EYS: variants seen among roughly 807,000 people sequenced by gnomAD.
EYS encodes the protein protein eyes shut homolog.
EYS carries 250 observed loss-of-function variants against 282.1 expected under a neutral mutation model. The observed-to-expected ratio is 0.89, with a 90% confidence interval of 0.80 to 0.98. EYS has a LOEUF of 0.98. Ranked by LOEUF, EYS falls within the 50% of genes least tolerant of loss-of-function variation. EYS has a pLI of 0.00. For synonymous variants in EYS, 1,355 were observed against 1,282.9 expected, an observed-to-expected ratio of 1.06 and a Z score of -1.20; for missense variants, 4,016 against 3,709.0, an observed-to-expected ratio of 1.08 and a Z score of -2.15.
chr6:64,917,316 C>G (rs1283478662), intron 15 of EYS, among the ~76,000 whole-genome samples: 1 of 151,456 alleles, frequency 6.6e-6, no homozygotes, highest in Non-Finnish European at 1.5e-5. Context: ...AATGACTAAG[C>G]ATTCTATATG....
chr6:65,500,806 T>G (rs542499238), intron 2 of EYS, among the ~76,000 whole-genome samples: 19 of 151,938 alleles, frequency 1.3e-4, no homozygotes, highest in East Asian at 5.8e-4. Flanking sequence ...CGGTCAGGAA[T>G]GAAGTGATTG....
rs923014043 is a variant in EYS, at chr6:64,853,438, C to A, written c.2993-30616G>T. 2.6e-5 allele frequency among the ~76,000 whole-genome samples: 4 copies of A among 152,106 alleles called. No individual in the cohort carries two copies. In the South Asian group the frequency reaches 8.3e-4, roughly 31 times the overall value. ...AATACCAGGTTTCCAAACTTCACAG[C>A]CGACTATGAGAAGCTTCTGTTATAC... On this transcript the variant is annotated intron_variant, in intron 19 of 42. Transcript: ENST00000503581.
chr6:64,971,843 T>A (rs967487278), intron 14 of EYS, among the ~76,000 whole-genome samples: 2 of 152,098 alleles, frequency 1.3e-5, no homozygotes, highest in African/African-American at 4.8e-5. Flanking sequence ...AATTATAACA[T>A]TGGAGATGCC....
rs1769456095 is a variant in EYS at position 65,320,875 on chromosome 6, A to G, written c.1766+14105T>C. The stretch of plus-strand genomic sequence containing the variant: ...GGCATGCAGTGACTGATGGAGGGCC[A>G]TGTTCACCCTAAGTGAGGCAACTCC... On this transcript the variant is annotated intron_variant, in intron 11 of 42. Transcript: ENST00000503581. Among the ~76,000 whole-genome samples, 3 of 152,144 alleles carry G rather than the reference A, an allele frequency of 2.0e-5. No individual in the cohort carries two copies. In the South Asian group the frequency reaches 6.2e-4, roughly 32 times the overall value.
chr6:63,726,675 A>C lies in EYS; in HGVS notation c.8077T>G (p.Ser2693Ala). ...TTGIYCEQALSISDPSFRSNE... is the reference protein window; with the variant it reads ...TTGIYCEQALAISDPSFRSNE... ...CTTCTGAAAGATGGATCACTTATGG[A>C]TAAAGCTGAGGGAAGGAGAGAAAGA... Residue 2693 changes from serine to alanine, a missense_variant, in exon 42 of 43, where the codon TCC (serine) becomes GCC (alanine). Coordinates refer to ENST00000503581, the MANE Select transcript of EYS (RefSeq NM_001142800.2). 1 of 1,550,984 alleles carries C rather than the reference A, an allele frequency of 6.4e-7. No individual in the cohort carries two copies. Among genetic ancestry groups the C allele is most frequent in the Non-Finnish European group, 8.7e-7 (1 of 1,146,544 alleles).
intron 33 of EYS, among the ~76,000 whole-genome samples, chr6:64,014,944 C>G (rs551176066): frequency 6.6e-6 from 1 of 151,978 alleles, no homozygotes; most frequent in Non-Finnish European, 1.5e-5. Context: ...TTGGAGATAA[C>G]CAAGACATGT....
At chr6:64,958,651 T>C (rs552586031) in intron 14 of EYS, among the ~76,000 whole-genome samples, 6 of 133,530 alleles carry the variant, frequency 4.5e-5, no homozygotes, top group Non-Finnish European at 6.1e-5. Flanking sequence ...AGGAGGATGG[T>C]GTGAACCCGG....
intron 22 of EYS, among the ~76,000 whole-genome samples, chr6:64,739,402 A>G (rs1297799335): frequency 1.3e-5 from 2 of 152,198 alleles, no homozygotes; most frequent in Non-Finnish European, 2.9e-5. Flanking sequence ...TATTTTTATG[A>G]GTTAAACTGC....
chr6:65,438,319 G>T (rs549668124), intron 5 of EYS, among the ~76,000 whole-genome samples: 1 of 152,010 alleles, frequency 6.6e-6, no homozygotes, highest in Non-Finnish European at 1.5e-5. Flanking sequence ...ATAAACATAC[G>T]TGTGCATGTG....
At chr6:64,782,366 A>G (rs1025477181) in intron 22 of EYS, among the ~76,000 whole-genome samples, 4 of 152,100 alleles carry the variant, frequency 2.6e-5, no homozygotes, top group Admixed American at 2.6e-4. Context: ...AATAGTCAAT[A>G]CCCTATTTAG....
intron 13 of EYS, among the ~76,000 whole-genome samples, chr6:65,052,045 T>C (rs1473316302): frequency 1.3e-5 from 2 of 151,578 alleles, no homozygotes; most frequent in Non-Finnish European, 3.0e-5. Context: ...TTATCTTCTC[T>C]TTACTTCCAT....
At chr6:64,353,043 A>C (rs1363242173) in intron 29 of EYS, among the ~76,000 whole-genome samples, 1 of 151,476 alleles carries the variant, frequency 6.6e-6, no homozygotes, top group Non-Finnish European at 1.5e-5. Flanking sequence ...CCCTGCCCTA[A>C]AGTGGTTACC....
chr6:63,972,910 G>A (rs1230757172), intron 35 of EYS, among the ~76,000 whole-genome samples: 3 of 151,992 alleles, frequency 2.0e-5, no homozygotes, highest in South Asian at 4.2e-4. Context: ...GTGTATATGT[G>A]CCACATTTTC....
At position 65,344,060 on chromosome 6, in the gene EYS, A is replaced by G; in HGVS notation, c.1577T>C (p.Phe526Ser). Residue 526 changes from phenylalanine (F) to serine (S), a missense_variant, in exon 10 of 43, where the codon TTC (phenylalanine) becomes TCC (serine). Phe to Ser is a radical substitution (Grantham distance 155). Coordinates refer to ENST00000503581, the MANE Select transcript of EYS (RefSeq NM_001142800.2). ...TACCTCTTTTGTGCCTTCATGTGGGAACCAACATGAAGAATTATTATCTTC... is the reference window on the plus strand; with the variant it reads ...TACCTCTTTTGTGCCTTCATGTGGGGACCAACATGAAGAATTATTATCTTC... ...DPEDNNSSCWFPHEGTKEICA... is the reference protein window; with the variant it reads ...DPEDNNSSCWSPHEGTKEICA... 1 of 1,610,384 alleles carries G rather than the reference A, an allele frequency of 6.2e-7. No homozygotes were observed. Among genetic ancestry groups the G allele is most frequent in the Middle Eastern group, 1.7e-4 (1 of 5,866 alleles).
intron 11 of EYS, chr6:65,329,937 T>A: frequency 2.0e-6 from 2 of 977,402 alleles, no homozygotes; most frequent in Non-Finnish European, 1.2e-6. Flanking sequence ...TAACTGAAAA[T>A]TATGTTTTGG....
In EYS at chr6:65,313,629, C is replaced by T. The variant is rs1769221321; in HGVS notation, c.1767-17510G>A. ...TTCAAACTACCTAAATAACAGTCTA[C>T]CTACTAAATACCCTTTGTCTCTACC... On this transcript the variant is annotated intron_variant, in intron 11 of 42. Coordinates refer to ENST00000503581, the MANE Select transcript of EYS (RefSeq NM_001142800.2). Among the ~76,000 whole-genome samples the T allele has an allele frequency of 3.3e-5, 5 of 151,700 alleles. No homozygotes were observed. The South Asian group carries it at 1.0e-3, about 32-fold the overall frequency.
At chr6:64,394,196 GC>G (rs1773272013) in intron 28 of EYS, among the ~76,000 whole-genome samples, 1 of 152,140 alleles carries the variant, frequency 6.6e-6, no homozygotes, top group Admixed American at 6.5e-5. Flanking sequence ...TGTGAAAATG[GC>G]CATACTGCCC....
chr6:64,452,834 C>T (rs1775408760), intron 26 of EYS, among the ~76,000 whole-genome samples: 1 of 152,126 alleles, frequency 6.6e-6, no homozygotes, highest in African/African-American at 2.4e-5. Context: ...GGATCCCTTC[C>T]TTATACCTTA....
At chr6:64,622,384 T>C (rs1767473600) in intron 23 of EYS, among the ~76,000 whole-genome samples, 1 of 152,060 alleles carries the variant, frequency 6.6e-6, no homozygotes, top group African/African-American at 2.4e-5. Flanking sequence ...AACTCTCTAC[T>C]AGGATTTGGT....
Sources: gnomAD v4.1 joint callset for allele counts (sites outside exome capture counted in the v4.1 genomes callset) on GRCh38, gnomAD v4.1.1 for gene constraint, MANE v1.5 for transcripts, NCBI Gene and HGNC (gene_info 2026-07-23, HGNC 2026-07-21) for gene names.